Variants in CAPN5 observed in about 807,000 individuals in gnomAD.
CAPN5 encodes calpain 5.
CAPN5 carries 54 observed loss-of-function variants against 73.0 expected under a neutral mutation model. The ratio of observed to expected loss-of-function variants is 0.74; its 90% confidence interval spans 0.59 to 0.93. The LOEUF is 0.93. Ranked by LOEUF, CAPN5 falls within the 40% of genes least tolerant of loss-of-function variation. The pLI, the probability that CAPN5 is intolerant of heterozygous loss-of-function variation, is 0.00. For synonymous variants in CAPN5, 335 were observed against 356.9 expected, an observed-to-expected ratio of 0.94 and a Z score of 0.69; for missense variants, 785 against 882.9, an observed-to-expected ratio of 0.89 and a Z score of 1.41.
chr11:77,095,402 C>A (rs1794086866), intron 3 of CAPN5, among the ~76,000 whole-genome samples: 1 of 152,170 alleles, frequency 6.6e-6, no homozygotes, highest in African/African-American at 2.4e-5. Flanking sequence ...GGCTGCCCCC[C>A]ACCTCCCACT....
Position 77,105,859 on chromosome 11 carries a change from T to A in CAPN5, c.298-6730T>A, listed in dbSNP as rs78253553. 4.3e-4 allele frequency among the ~76,000 whole-genome samples: 65 copies of A among 152,274 alleles called. No homozygotes were observed. The East Asian group carries it at 0.012, about 28-fold the overall frequency. ...TCATCACCACTCTGAAGCGCACTCATTTTTGGACAGGGACAACTGAGGCCC... is the reference window on the plus strand; with the variant it reads ...TCATCACCACTCTGAAGCGCACTCAATTTTGGACAGGGACAACTGAGGCCC... On this transcript the variant is annotated intron_variant, in intron 3 of 12. Coordinates refer to ENST00000648180, the MANE Select transcript of CAPN5 (RefSeq NM_004055.5).
At chr11:77,103,662 A>AGG (rs1591134709) in intron 3 of CAPN5, among the ~76,000 whole-genome samples, 1 of 152,172 alleles carries the variant, frequency 6.6e-6, no homozygotes, top group East Asian at 1.9e-4. Context: ...TGGGAGAGAG[A>AGG]GACTGAGAAA....
At chr11:77,114,959 A>C (rs1478353777) in intron 5 of CAPN5, among the ~76,000 whole-genome samples, 8 of 152,176 alleles carry the variant, frequency 5.3e-5, no homozygotes, top group Non-Finnish European at 1.0e-4. Context: ...GCTACTCGGG[A>C]GGCTGAGGCA....
chr11:77,101,120 C>T (rs1950279330), intron 3 of CAPN5, among the ~76,000 whole-genome samples: 1 of 152,232 alleles, frequency 6.6e-6, no homozygotes, highest in Non-Finnish European at 1.5e-5. Context: ...GTGTCATTCA[C>T]TCATTCATCC....
chr11:77,097,373 G>C (rs1246151059), intron 3 of CAPN5, among the ~76,000 whole-genome samples: 7 of 151,690 alleles, frequency 4.6e-5, no homozygotes, highest in African/African-American at 1.7e-4. Flanking sequence ...GGGACGAAAG[G>C]CTTGAAAAAG....
At chr11:77,109,139 C>T (rs868910326) in intron 3 of CAPN5, among the ~76,000 whole-genome samples, 11 of 152,290 alleles carry the variant, frequency 7.2e-5, no homozygotes, top group South Asian at 2.1e-4. Context: ...GTACTTCATT[C>T]GGGGGCACAT....
intron 3 of CAPN5, among the ~76,000 whole-genome samples, chr11:77,098,847 C>T (rs1591129651): frequency 1.4e-5 from 2 of 139,940 alleles, no homozygotes; most frequent in Non-Finnish European, 3.1e-5. Context: ...CCACCTCCCT[C>T]CCGGACGGGG....
intron 4 of CAPN5, 27 bp from the exon 5 acceptor site, chr11:77,114,215 G>C: frequency 6.2e-7 from 1 of 1,607,456 alleles, no homozygotes; most frequent in Non-Finnish European, 8.5e-7. Flanking sequence ...AGCATGAGCT[G>C]GGAAGTCTTT....
In CAPN5 at chr11:77,125,242, T is replaced by G. The variant is rs1250670667; in HGVS notation, c.*1372T>G. 6.6e-6 allele frequency: 1 copy of G among 152,656 alleles called. No individual in the cohort carries two copies. Among genetic ancestry groups the G allele is most frequent in the African/African-American group, 2.4e-5 (1 of 41,452 alleles). The allele number at this position is 152,656 out of a possible 1,614,324, so 9.5% of individuals were successfully genotyped here. A position where few individuals can be genotyped will look rare whatever the true frequency, so the allele number is the denominator to read the frequency against. ...TGGGATTTCCTTTTGGGAACCTGAC[T>G]TTCCGACTCCAGATCCTGCTGTCTG... On this transcript the variant is annotated 3_prime_UTR_variant, in exon 13 of 13. Transcript: ENST00000648180.
Position 77,122,588 on chromosome 11 carries a change from A to T in CAPN5, c.1616A>T (p.Tyr539Phe). The change falls in exon 12 of 13, where the codon TAT (tyrosine) becomes TTT (phenylalanine). Residue 539 changes from tyrosine (Y) to phenylalanine (F), a missense_variant. Transcript: ENST00000648180. ...LKDSPTGANSYVIIKCEGDKV... is the reference protein window; with the variant it reads ...LKDSPTGANSFVIIKCEGDKV... ...TCCCTCTCCCTAGGGGCTAACTCTT[A>T]TGTGATCATCAAGTGTGAGGGAGAC... The T allele has an allele frequency of 6.2e-7, 1 of 1,601,874 alleles. No individual in the cohort carries two copies. The highest frequency in any genetic ancestry group is 8.5e-7 in the Non-Finnish European group (1 of 1,175,372).
intron 1 of CAPN5, among the ~76,000 whole-genome samples, chr11:77,074,315 T>G (rs1457365213): frequency 3.5e-4 from 53 of 151,768 alleles, no homozygotes; most frequent in Admixed American, 3.5e-3. Context: ...GATGCCCCTC[T>G]GCCTGGCATC....
At chr11:77,069,391 G>T (rs1949878932) in intron 1 of CAPN5, among the ~76,000 whole-genome samples, 1 of 152,122 alleles carries the variant, frequency 6.6e-6, no homozygotes, top group South Asian at 2.1e-4. Flanking sequence ...GGAGAAGAAG[G>T]GTGGAAGGAA....
chr11:77,072,680 A>G (rs569377243), intron 1 of CAPN5, among the ~76,000 whole-genome samples: 5 of 152,336 alleles, frequency 3.3e-5, no homozygotes, highest in African/African-American at 1.2e-4. Context: ...GAGGTTGTGC[A>G]GGAGCTTGTG....
chr11:77,122,599 A>C lies in CAPN5; in HGVS notation c.1627A>C (p.Lys543Gln), dbSNP rs782107306. The change falls in exon 12 of 13, where the codon AAG becomes CAG. Residue 543 changes from lysine (K) to glutamine (Q), a missense_variant. Physicochemically the swap from Lys to Gln is moderately conservative, Grantham distance 53. Transcript: ENST00000648180. ...PTGANSYVII[K>Q]CEGDKVRSAV... ...AGGGGCTAACTCTTATGTGATCATC[A>C]AGTGTGAGGGAGACAAAGTCCGCTC... 1 of 1,608,480 alleles carries C rather than the reference A, an allele frequency of 6.2e-7. No individual in the cohort carries two copies. The highest frequency in any genetic ancestry group is 1.4e-5 in the African/African-American group (1 of 72,960).
At chr11:77,085,562 A>G (rs1286753471) in intron 2 of CAPN5, among the ~76,000 whole-genome samples, 1 of 152,214 alleles carries the variant, frequency 6.6e-6, no homozygotes, top group Non-Finnish European at 1.5e-5. Flanking sequence ...TGTGAGAATT[A>G]AAAGAGGTAA....
chr11:77,081,110 C>T (rs1440233835), intron 1 of CAPN5, among the ~76,000 whole-genome samples: 1 of 152,316 alleles, frequency 6.6e-6, no homozygotes, highest in Admixed American at 6.5e-5. Flanking sequence ...TAGATGGGAA[C>T]ATCAATGAGC....
intron 3 of CAPN5, among the ~76,000 whole-genome samples, chr11:77,101,540 TTAAC>T (rs1193253402): frequency 5.3e-5 from 8 of 152,186 alleles, no homozygotes; most frequent in African/African-American, 1.9e-4. Context: ...CAGTGTGGTT[TTAAC>T]AGGACCGGGT....
intron 3 of CAPN5, among the ~76,000 whole-genome samples, chr11:77,111,475 C>A: frequency 6.6e-6 from 1 of 152,178 alleles, no homozygotes; most frequent in East Asian, 1.9e-4. Flanking sequence ...TAATAGTCAT[C>A]TACTCAGAGG....
chr11:77,096,800 C>A (rs1219153369), intron 3 of CAPN5, among the ~76,000 whole-genome samples: 7 of 152,188 alleles, frequency 4.6e-5, no homozygotes, highest in Non-Finnish European at 1.0e-4. Flanking sequence ...AGGAGTCAGG[C>A]AGCTCCTGGC....
Sources: allele counts gnomAD v4.1 joint callset (sites outside exome capture counted in the v4.1 genomes callset), GRCh38; gene constraint gnomAD v4.1.1; transcripts MANE v1.5; gene names NCBI Gene and HGNC (gene_info 2026-07-23, HGNC 2026-07-21).